DST: variants seen among roughly 807,000 people sequenced by gnomAD.
DST encodes the protein bullous pemphigoid antigen.
Under a neutral mutation model 875.2 loss-of-function variants are expected in DST, and 253 were observed. That is an observed-to-expected ratio of 0.29 (90% CI 0.26 to 0.32). DST has a LOEUF of 0.32. DST is among the 10% of genes least tolerant of loss of function. The pLI is 1.00. For synonymous variants in DST, 3,124 were observed against 3,197.1 expected (o/e 0.98, Z 0.77); for missense variants, 8,287 against 9,111.6 (o/e 0.91, Z 3.68).
At chr6:56,879,952 G>T (rs1024535413) in intron 3 of DST, among the ~76,000 whole-genome samples, 2 of 152,222 alleles carry the variant, frequency 1.3e-5, no homozygotes, top group Non-Finnish European at 2.9e-5. Context: ...ATTAAACTGG[G>T]CCTAGCCCAT....
intron 3 of DST, among the ~76,000 whole-genome samples, chr6:56,880,691 A>G (rs1163518609): frequency 6.6e-6 from 1 of 151,322 alleles, no homozygotes; most frequent in Non-Finnish European, 1.5e-5. Context: ...CGTCTCAAAA[A>G]AAAGAAAAAA....
intron 43 of DST, 199 bp from the exon 44 acceptor site, chr6:56,601,875 A>C: frequency 2.1e-6 from 1 of 486,370 alleles, no homozygotes; most frequent in Non-Finnish European, 3.6e-6. Flanking sequence ...CATGGTAGTT[A>C]GTATTATATA....
chr6:56,707,654 A>G (rs189495505), intron 5 of DST, among the ~76,000 whole-genome samples: 6 of 152,144 alleles, frequency 3.9e-5, no homozygotes, highest in Admixed American at 2.6e-4. Context: ...TGTCTTTCTC[A>G]CTCCAGGACA....
intron 49 of DST, among the ~76,000 whole-genome samples, chr6:56,588,212 A>G (rs1403936416): frequency 1.3e-5 from 2 of 152,216 alleles, no homozygotes; most frequent in African/African-American, 4.8e-5. Context: ...TAAAAGGTCC[A>G]ATGAAATCTA....
At chr6:56,658,614 A>G (rs1386168314) in intron 10 of DST, among the ~76,000 whole-genome samples, 1 of 152,248 alleles carries the variant, frequency 6.6e-6, no homozygotes, top group Non-Finnish European at 1.5e-5. Flanking sequence ...AAACAACACC[A>G]TAAAAGGGTA....
chr6:56,673,985 C>G (rs551266237), intron 9 of DST, among the ~76,000 whole-genome samples: 1 of 152,144 alleles, frequency 6.6e-6, no homozygotes, highest in Non-Finnish European at 1.5e-5. Flanking sequence ...TGATACTATG[C>G]AACCAAAATT....
intron 80 of DST, among the ~76,000 whole-genome samples, chr6:56,499,690 G>GC (rs897879740): frequency 3.7e-4 from 57 of 152,240 alleles, no homozygotes; most frequent in African/African-American, 1.4e-3. Flanking sequence ...ACAAACAGAA[G>GC]TAAGAGGTCT....
intron 92 of DST, chr6:56,474,212 A>G: frequency 2.4e-6 from 1 of 421,102 alleles, no homozygotes; most frequent in Non-Finnish European, 4.3e-6. Context: ...GGCCAGGTGC[A>G]GTGGCTCATG....
chr6:56,838,566 A>G (rs1383535339), intron 4 of DST, among the ~76,000 whole-genome samples: 2 of 152,352 alleles, frequency 1.3e-5, no homozygotes, highest in African/African-American at 4.8e-5. Flanking sequence ...ACAACAAAAA[A>G]AAAACCTAGA....
chr6:56,924,282 G>T (rs1179119393), intron 2 of DST, among the ~76,000 whole-genome samples: 1 of 152,210 alleles, frequency 6.6e-6, no homozygotes, highest in East Asian at 1.9e-4. Flanking sequence ...ATCACTGAAC[G>T]CAGAGTTGGA....
At chr6:56,941,949 A>G (rs900103379) in intron 2 of DST, among the ~76,000 whole-genome samples, 3 of 152,190 alleles carry the variant, frequency 2.0e-5, no homozygotes, top group African/African-American at 7.2e-5. Flanking sequence ...AGCATTGTCT[A>G]ATTCCGCCTT....
At chr6:56,727,961 T>C (rs529035690) in intron 5 of DST, among the ~76,000 whole-genome samples, 173 of 152,282 alleles carry the variant, frequency 1.1e-3, no homozygotes, top group African/African-American at 2.9e-3. Context: ...TTCTCACTGA[T>C]AAAATAAGGA....
intron 10 of DST, among the ~76,000 whole-genome samples, chr6:56,656,559 A>G (rs1170758274): frequency 6.6e-6 from 1 of 152,226 alleles, no homozygotes; most frequent in Middle Eastern, 3.2e-3. Flanking sequence ...AGGTTGTGTT[A>G]TTATCCTGAA....
At chr6:56,586,594 G>T (rs2098155599) in intron 49 of DST, among the ~76,000 whole-genome samples, 2 of 152,042 alleles carry the variant, frequency 1.3e-5, no homozygotes, top group South Asian at 2.1e-4. Context: ...TAGAGAACGG[G>T]CAGATTGCCT....
chr6:56,525,605 G>C lies in DST; in HGVS notation c.18129+756C>G, dbSNP rs113846681. 6.7e-3 allele frequency among the ~76,000 whole-genome samples: 1,020 copies of C among 152,228 alleles called. 10 individuals are homozygous for C. The highest frequency in any genetic ancestry group is 0.023 in the African/African-American group (965 of 41,536). ...AAAGCTTAGTCACACACCATCACAAGCTCTGCTCTAAAGTACAGTGCAATA... is the reference window on the plus strand; with the variant it reads ...AAAGCTTAGTCACACACCATCACAACCTCTGCTCTAAAGTACAGTGCAATA... On this transcript the variant is annotated intron_variant, in intron 69 of 103. Coordinates refer to ENST00000680361, the MANE Select transcript of DST (RefSeq NM_001374736.1).
At chr6:56,519,367 A>G (rs2096652916) in intron 69 of DST, among the ~76,000 whole-genome samples, 2 of 152,154 alleles carry the variant, frequency 1.3e-5, no homozygotes. Context: ...TGGGGGGCCT[A>G]CACTTCTATC....
intron 57 of DST, 147 bp from the exon 58 acceptor site, chr6:56,560,570 A>G (rs532979634): frequency 1.3e-6 from 1 of 760,078 alleles, no homozygotes; most frequent in Admixed American, 3.0e-5. Flanking sequence ...GGATTTTGCA[A>G]TTATTTTCCT....
chr6:56,687,364 TA>T (rs1431218344), intron 9 of DST, among the ~76,000 whole-genome samples: 2 of 152,178 alleles, frequency 1.3e-5, no homozygotes, highest in Admixed American at 6.6e-5. Context: ...AGTAAAACCT[TA>T]ACATCGGTAG....
chr6:56,629,218 T>C, intron 32 of DST, 32 bp downstream of exon 32: 5 of 1,608,110 alleles, frequency 3.1e-6, no homozygotes, highest in Non-Finnish European at 4.3e-6. Context: ...ACATTAAATC[T>C]GTGCTAAAAC....
Sources: gnomAD v4.1 joint callset for allele counts (sites outside exome capture counted in the v4.1 genomes callset) on GRCh38, gnomAD v4.1.1 for gene constraint, MANE v1.5 for transcripts, NCBI Gene and HGNC (gene_info 2026-07-23, HGNC 2026-07-21) for gene names.